Variants in TRPM1 observed in about 807,000 individuals in gnomAD.
The protein encoded by TRPM1 is transient receptor potential cation channel subfamily M member 1, also known as TRPM1-203 APA Isoform, Intron 10.
Under a neutral mutation model 149.4 loss-of-function variants are expected in TRPM1, and 113 were observed. The ratio of observed to expected loss-of-function variants is 0.76; its 90% CI spans 0.65 to 0.88. The LOEUF (loss-of-function observed/expected upper bound fraction) is 0.88. Among genes scored for constraint, TRPM1 ranks in the 40% least tolerant of loss-of-function variants. TRPM1 has a pLI of 0.00. For missense variants in TRPM1, 1,976 were observed against 2,038.7 expected, an observed-to-expected ratio of 0.97 and a Z score of 0.59; for synonymous variants, 741 against 759.5, an observed-to-expected ratio of 0.98 and a Z score of 0.40.
chr15:31,059,580 T>C (rs1461419754), intron 11 of TRPM1, among the ~76,000 whole-genome samples: 1 of 152,090 alleles, frequency 6.6e-6, no homozygotes, highest in Admixed American at 6.6e-5. Context: ...TAATTTTTTT[T>C]ATTTTTTGTA....
intron 2 of TRPM1, among the ~76,000 whole-genome samples, chr15:31,079,084 ATCAGTGTGAAC>A (rs1168277531): frequency 3.9e-5 from 6 of 152,202 alleles, no homozygotes; most frequent in African/African-American, 1.4e-4. Flanking sequence ...AATTAAAGTT[ATCAGTGTGAAC>A]TCATGGTTTG....
intron 1 of TRPM1, among the ~76,000 whole-genome samples, chr15:31,137,781 A>T (rs1368017793): frequency 6.6e-6 from 1 of 152,228 alleles, no homozygotes; most frequent in Non-Finnish European, 1.5e-5. Context: ...GAAAACAGTT[A>T]AGCAGTTTTC....
chr15:31,110,903 C>T (rs976141043), intron 1 of TRPM1, among the ~76,000 whole-genome samples: 1 of 141,884 alleles, frequency 7.0e-6, no homozygotes, highest in East Asian at 2.0e-4. Flanking sequence ...CTCTCTCTCT[C>T]CCCCCCCTTC....
chr15:31,006,660 G>A (rs1233789223), intron 27 of TRPM1, among the ~76,000 whole-genome samples: 2 of 152,192 alleles, frequency 1.3e-5, no homozygotes, highest in African/African-American at 4.8e-5. Flanking sequence ...CTGATTCATA[G>A]GGTAAATGTA....
intron 20 of TRPM1, 138 bp downstream of exon 20, chr15:31,037,573 C>G: frequency 8.3e-7 from 1 of 1,198,532 alleles, no homozygotes; most frequent in Non-Finnish European, 1.2e-6. Context: ...CTCAATTAGT[C>G]CCAGTTTTGT....
intron 1 of TRPM1, among the ~76,000 whole-genome samples, chr15:31,123,084 A>G (rs112518065): frequency 0.014 from 2,139 of 152,368 alleles, 57 homozygotes; most frequent in African/African-American, 0.049. Context: ...AGGCAATCCA[A>G]TGGAGAAAGG....
At chr15:31,072,901 G>C (rs145811948) in intron 3 of TRPM1, among the ~76,000 whole-genome samples, 1 of 151,570 alleles carries the variant, frequency 6.6e-6, no homozygotes, top group Non-Finnish European at 1.5e-5. Flanking sequence ...ATCTCTTTCC[G>C]TATTCTGGAT....
rs572040009 is a variant in TRPM1 at position 31,116,708 on chromosome 15, A to G, written c.55-39724T>C. Among the ~76,000 whole-genome samples the G allele has an allele frequency of 2.0e-5, 3 of 152,324 alleles. No individual in the cohort carries two copies. The South Asian group carries it at 6.2e-4, about 32-fold the overall frequency. On this transcript the variant is annotated intron_variant, in intron 1 of 26. Transcript: ENST00000542188. ...GTATAATTCCAGAGGGTCACAGCTGAAAAACTGCAAGGCTTAGACTATTTA... is the reference window on the plus strand; with the variant it reads ...GTATAATTCCAGAGGGTCACAGCTGGAAAACTGCAAGGCTTAGACTATTTA...
At chr15:31,026,073 T>C (rs190276353) in intron 27 of TRPM1, 66 bp downstream of exon 27, 129 of 1,596,804 alleles carry the variant, frequency 8.1e-5, no homozygotes, top group Non-Finnish European at 9.3e-5. Context: ...GCATCCCCCA[T>C]AGAGTGGGGC....
chr15:31,113,235 A>G (rs1014352061), intron 1 of TRPM1, among the ~76,000 whole-genome samples: 3 of 152,112 alleles, frequency 2.0e-5, no homozygotes, highest in Non-Finnish European at 4.4e-5. Context: ...CAGCCAAATC[A>G]ACAAGAAAGG....
chr15:31,042,359 G>A (rs2140930676), intron 16 of TRPM1, 116 bp from the exon 17 acceptor site: 1 of 1,060,520 alleles, frequency 9.4e-7, no homozygotes, highest in East Asian at 2.6e-5. Flanking sequence ...GACTTCTGAA[G>A]TACATCTTAC....
intron 1 of TRPM1, among the ~76,000 whole-genome samples, chr15:31,089,299 T>C (rs1450428152): frequency 1.3e-5 from 2 of 151,224 alleles, no homozygotes; most frequent in African/African-American, 2.4e-5. Flanking sequence ...CGGGAGGGTT[T>C]ATATATAGTT....
intron 18 of TRPM1, 125 bp downstream of exon 18, chr15:31,039,993 G>T: frequency 1.2e-6 from 1 of 804,978 alleles, no homozygotes; most frequent in Non-Finnish European, 2.1e-6. Flanking sequence ...GATTGTCATG[G>T]CGTCTCCCTC....
At chr15:31,113,580 T>C (rs983976910) in intron 1 of TRPM1, among the ~76,000 whole-genome samples, 3 of 152,190 alleles carry the variant, frequency 2.0e-5, no homozygotes, top group African/African-American at 4.8e-5. Context: ...GGTTCCCCCA[T>C]ACAACTGCAG....
chr15:31,076,913 GTC>G lies in TRPM1; in HGVS notation c.73_74del (p.Asp25LeufsTer2). On this transcript the variant is annotated frameshift_variant, in exon 3 of 28. Transcript: ENST00000256552. LOFTEE classifies it high-confidence loss of function. Reference sequence around the variant, plus strand: ...CGTGGATTTCAATTTACCTGTTAGAGTCTTTCATGCTAGGAATTACAAAGATA... The same window carrying G: ...CGTGGATTTCAATTTACCTGTTAGAGTTTCATGCTAGGAATTACAAAGATA... ...ECIFVIPSMK[D>X]SNRCCCGQFT... 1 of 1,604,018 alleles carries G rather than the reference GTC, an allele frequency of 6.2e-7. No individual in the cohort carries two copies.
intron 1 of TRPM1, among the ~76,000 whole-genome samples, chr15:31,133,980 AG>A (rs2036054740): frequency 1.3e-5 from 2 of 152,176 alleles, no homozygotes; most frequent in African/African-American, 4.8e-5. Context: ...TTTAAGACAG[AG>A]GTGACCCAAG....
At chr15:31,052,220 A>G (rs78820993) in intron 11 of TRPM1, among the ~76,000 whole-genome samples, 2,301 of 152,294 alleles carry the variant, frequency 0.015, 63 homozygotes, top group African/African-American at 0.051. Flanking sequence ...GGGCTGAGGC[A>G]GAGCTTATGT....
At chr15:31,104,885 T>C (rs117351706), upstream of TRPM1, among the ~76,000 whole-genome samples, 8,399 of 152,082 alleles carry the variant, frequency 0.055, 286 homozygotes, top group African/African-American at 0.072. Context: ...TGAGCCACCA[T>C]GCCCAGCTGC....
Position 31,032,944 on chromosome 15 carries a change from A to G in TRPM1, c.2701-4T>C, listed in dbSNP as rs141104219. 168 of 1,614,182 alleles carry G rather than the reference A, an allele frequency of 1.0e-4. 1 individual carries two copies. In the African/African-American group the frequency reaches 1.9e-3, roughly 18 times the overall value. On this transcript the variant is annotated splice_region_variant and splice_polypyrimidine_tract_variant and intron_variant, in intron 21 of 27. Coordinates refer to ENST00000256552, the MANE Select transcript of TRPM1 (RefSeq NM_001252024.2). ...TGCCTGGTTCTGACATGAGGATCTG[A>G]AAACAAACCCCAAAGAACAATAAAC...
Sources: allele counts gnomAD v4.1 joint callset (sites outside exome capture counted in the v4.1 genomes callset), GRCh38; gene constraint gnomAD v4.1.1; transcripts MANE v1.5; gene names NCBI Gene and HGNC (gene_info 2026-07-23, HGNC 2026-07-21).